The following PCNX2 variants were observed in gnomAD, a reference collection of about 807,000 sequenced individuals.
The protein encoded by PCNX2 is pecanex-like protein 2.
A neutral mutation model predicts 223.8 loss-of-function variants in PCNX2; 168 were observed. The observed-to-expected ratio is 0.75, with a 90% CI of 0.66 to 0.85. PCNX2 has a LOEUF of 0.85. Ranked by LOEUF, PCNX2 falls within the 40% of genes least tolerant of loss-of-function variation. The pLI is 0.00. For missense variants in PCNX2, 2,507 were observed against 2,675.5 expected, an observed-to-expected ratio of 0.94 and a Z score of 1.39; for synonymous variants, 1,006 against 1,052.6, an observed-to-expected ratio of 0.96 and a Z score of 0.86.
At chr1:233,238,527 CA>C (rs1450618857) in intron 8 of PCNX2, among the ~76,000 whole-genome samples, 2 of 151,556 alleles carry the variant, frequency 1.3e-5, no homozygotes, top group Admixed American at 1.3e-4. Flanking sequence ...CTAAGCGCTA[CA>C]AAAATAGAAA....
intron 21 of PCNX2, among the ~76,000 whole-genome samples, chr1:233,118,830 T>C (rs1019335959): frequency 6.6e-6 from 1 of 152,224 alleles, no homozygotes; most frequent in African/African-American, 2.4e-5. Context: ...TCAGCAAGTA[T>C]GTTTTTTTAC....
intron 6 of PCNX2, 52 bp from the exon 7 acceptor site, chr1:233,252,551 C>T: frequency 4.4e-6 from 7 of 1,585,294 alleles, no homozygotes; most frequent in South Asian, 2.3e-5. Context: ...CCTCCTTATC[C>T]TTGATAAAGC....
At chr1:233,288,022 T>G (rs145294071) in intron 1 of PCNX2, among the ~76,000 whole-genome samples, 2 of 152,210 alleles carry the variant, frequency 1.3e-5, no homozygotes, top group East Asian at 3.9e-4. Context: ...AGGAAGAAAA[T>G]GCACTAGACA....
At chr1:233,204,881 A>C (rs2102903688) in intron 13 of PCNX2, among the ~76,000 whole-genome samples, 1 of 152,366 alleles carries the variant, frequency 6.6e-6, no homozygotes, top group Non-Finnish European at 1.5e-5. Context: ...CTTTAATGAG[A>C]GAAAGGGAAT....
intron 19 of PCNX2, among the ~76,000 whole-genome samples, chr1:233,149,513 CAG>C (rs1677665548): frequency 6.6e-6 from 1 of 152,142 alleles, no homozygotes; most frequent in Non-Finnish European, 1.5e-5. Context: ...GCATCTGAGG[CAG>C]AGAGACTCTG....
intron 25 of PCNX2, among the ~76,000 whole-genome samples, chr1:233,048,502 G>A (rs1671894892): frequency 6.6e-6 from 1 of 152,182 alleles, no homozygotes; most frequent in Admixed American, 6.5e-5. Flanking sequence ...TTTCTGGGAT[G>A]TGGTAAAAGA....
chr1:233,208,247 C>T (rs1291842046), intron 13 of PCNX2, among the ~76,000 whole-genome samples: 2 of 152,198 alleles, frequency 1.3e-5, no homozygotes, highest in Non-Finnish European at 2.9e-5. Context: ...GTGTGAGCCA[C>T]CGTGCCCAGC....
At chr1:233,167,967 G>T in intron 17 of PCNX2, 1 of 347,826 alleles carries the variant, frequency 2.9e-6, no homozygotes, top group Non-Finnish European at 4.0e-6. Context: ...TACTGGTACT[G>T]CCCTCTTCCT....
the PCNX2 span, among the ~76,000 whole-genome samples, chr1:233,318,609 G>A: frequency 1.9e-4 from 25 of 131,590 alleles, no homozygotes; most frequent in Admixed American, 3.6e-4. Flanking sequence ...TCTTGTTCAG[G>A]CTGGAGTGCG....
intron 21 of PCNX2, among the ~76,000 whole-genome samples, chr1:233,096,398 A>G (rs1373175150): frequency 2.0e-5 from 3 of 152,220 alleles, no homozygotes; most frequent in Non-Finnish European, 4.4e-5. Context: ...TTTTGGGAAG[A>G]TATGGAAAAT....
intron 25 of PCNX2, among the ~76,000 whole-genome samples, chr1:233,049,935 G>A (rs975368713): frequency 1.3e-5 from 2 of 151,880 alleles, no homozygotes; most frequent in Non-Finnish European, 2.9e-5. Flanking sequence ...TCTCTACAAA[G>A]AGAACTACAA....
At chr1:233,179,038 T>G in intron 16 of PCNX2, 28 bp downstream of exon 16, 1 of 1,591,744 alleles carries the variant, frequency 6.3e-7, no homozygotes, top group South Asian at 1.1e-5. Context: ...AGCTCAGTGA[T>G]GAGAGAGCAC....
chr1:233,179,211 C>G (rs1228230219), intron 15 of PCNX2, 36 bp from the exon 16 acceptor site: 15 of 1,599,436 alleles, frequency 9.4e-6, no homozygotes, highest in Non-Finnish European at 1.2e-5. Flanking sequence ...AGTCACTCCA[C>G]AGCTGTGTGA....
intron 33 of PCNX2, 64 bp from the exon 34 acceptor site, chr1:232,984,541 G>A: frequency 6.5e-7 from 1 of 1,536,272 alleles, no homozygotes; most frequent in East Asian, 2.3e-5. Flanking sequence ...CTTCTAACTG[G>A]CATCACCCCC....
chr1:233,149,204 T>C (rs10489802), intron 19 of PCNX2, among the ~76,000 whole-genome samples: 20,189 of 152,292 alleles, frequency 0.13, 1,458 homozygotes, highest in East Asian at 0.24. Context: ...TGCAAACTAA[T>C]TATACCATTT....
intron 25 of PCNX2, among the ~76,000 whole-genome samples, chr1:233,044,497 T>C (rs111794889): frequency 2.0e-5 from 3 of 152,268 alleles, no homozygotes; most frequent in Admixed American, 6.5e-5. Flanking sequence ...TCTTGAATGT[T>C]TTCCTGACAG....
At chr1:233,133,169 G>A (rs1281831348) in intron 21 of PCNX2, among the ~76,000 whole-genome samples, 5 of 152,080 alleles carry the variant, frequency 3.3e-5, no homozygotes, top group Non-Finnish European at 7.3e-5. Flanking sequence ...AAAGTGCTAG[G>A]ATTACAGGCG....
intron 23 of PCNX2, among the ~76,000 whole-genome samples, chr1:233,067,482 T>C (rs1324690754): frequency 2.1e-5 from 3 of 144,974 alleles, no homozygotes. Context: ...CAGTAACTAA[T>C]TTTTTTTTTG....
chr1:233,192,550 A>G (rs995025894), intron 15 of PCNX2, among the ~76,000 whole-genome samples: 1 of 152,188 alleles, frequency 6.6e-6, no homozygotes, highest in Non-Finnish European at 1.5e-5. Context: ...AACAAAAAGC[A>G]TTCTTAAAAT....
Sources: allele counts gnomAD v4.1 joint callset (sites outside exome capture counted in the v4.1 genomes callset), GRCh38; gene constraint gnomAD v4.1.1; transcripts MANE v1.5; gene names NCBI Gene and HGNC (gene_info 2026-07-23, HGNC 2026-07-21).